SLC25A13: variants seen among roughly 807,000 people sequenced by gnomAD.
The protein encoded by SLC25A13 is electrogenic aspartate/glutamate antiporter SLC25A13, mitochondrial.
SLC25A13 carries 70 observed loss-of-function variants against 85.5 expected under a neutral mutation model. That is an observed-to-expected ratio of 0.82 (90% CI 0.68 to 1.00). SLC25A13 has a LOEUF of 1.00. Among genes scored for constraint, SLC25A13 ranks in the 50% least tolerant of loss-of-function variants. The pLI is 0.00. For synonymous variants in SLC25A13, 259 were observed against 288.7 expected (o/e 0.90, Z 1.04); for missense variants, 765 against 819.8 (o/e 0.93, Z 0.82).
intron 3 of SLC25A13, among the ~76,000 whole-genome samples, chr7:96,258,986 T>C (rs1452547409): frequency 6.6e-6 from 1 of 152,220 alleles, no homozygotes; most frequent in African/African-American, 2.4e-5. Flanking sequence ...ATTTAATAAA[T>C]GGTGTTGGGA....
chr7:96,248,785 A>G (rs902471190), intron 3 of SLC25A13, among the ~76,000 whole-genome samples: 1 of 152,222 alleles, frequency 6.6e-6, no homozygotes, highest in African/African-American at 2.4e-5. Context: ...AATTGACAGC[A>G]AGGATAAATA....
At chr7:96,248,215 T>C (rs1406498301) in intron 3 of SLC25A13, among the ~76,000 whole-genome samples, 1 of 152,074 alleles carries the variant, frequency 6.6e-6, no homozygotes, top group East Asian at 1.9e-4. Flanking sequence ...GGGCTCCAAA[T>C]TGTCAATGTT....
intron 13 of SLC25A13, among the ~76,000 whole-genome samples, chr7:96,157,544 C>T (rs1229268958): frequency 1.3e-5 from 2 of 152,304 alleles, no homozygotes; most frequent in African/African-American, 4.8e-5. Flanking sequence ...TGGCTCACAC[C>T]TGTAATCCCA....
At chr7:96,273,402 T>G (rs922887823) in intron 3 of SLC25A13, among the ~76,000 whole-genome samples, 3 of 152,194 alleles carry the variant, frequency 2.0e-5, no homozygotes, top group African/African-American at 7.2e-5. Flanking sequence ...GCAAATATAC[T>G]TGAAAGTTCT....
Position 96,179,402 on chromosome 7 carries a change from T to C in SLC25A13, c.1177+4875A>G, listed in dbSNP as rs542679034. Among the ~76,000 whole-genome samples, 4 of 152,352 alleles carry C rather than the reference T, an allele frequency of 2.6e-5. No homozygotes were observed. In the South Asian group the frequency reaches 6.2e-4, roughly 24 times the overall value. Reference sequence around the variant, plus strand: ...GGATACCTACACGTCTATCTTTTTGTCATATTTTTCCAATTTTCTAAGGTC... The same window carrying C: ...GGATACCTACACGTCTATCTTTTTGCCATATTTTTCCAATTTTCTAAGGTC... On this transcript the variant is annotated intron_variant, in intron 11 of 17. Coordinates refer to ENST00000265631, the MANE Select transcript of SLC25A13 (RefSeq NM_014251.3).
At chr7:96,166,597 C>G (rs2116562712) in intron 13 of SLC25A13, among the ~76,000 whole-genome samples, 1 of 152,182 alleles carries the variant, frequency 6.6e-6, no homozygotes, top group East Asian at 1.9e-4. Context: ...GCATATTACA[C>G]TAGATATATA....
In SLC25A13 at chr7:96,309,115, T is replaced by G. The variant is rs560016472; in HGVS notation, c.16-12164A>C. On this transcript the variant is annotated intron_variant, in intron 1 of 17. Coordinates refer to ENST00000265631, the MANE Select transcript of SLC25A13 (RefSeq NM_014251.3). ...AGAAGTGAATGAAACTCCTTGCCAG[T>G]GAGCACAACAAAGTCAAAGAAGAGA... Among the ~76,000 whole-genome samples, 4 of 152,330 alleles carry G rather than the reference T, an allele frequency of 2.6e-5. No individual in the cohort carries two copies. The East Asian group carries it at 7.7e-4, about 29-fold the overall frequency.
chr7:96,232,231 C>T (rs1253247832), intron 4 of SLC25A13, among the ~76,000 whole-genome samples: 1 of 152,024 alleles, frequency 6.6e-6, no homozygotes, highest in East Asian at 1.9e-4. Flanking sequence ...GGTACATATA[C>T]ACCATGGAAT....
intron 5 of SLC25A13, among the ~76,000 whole-genome samples, chr7:96,194,534 T>A (rs563291341): frequency 7.4e-4 from 112 of 151,496 alleles, no homozygotes; most frequent in African/African-American, 1.7e-3. Context: ...TTAGACGATA[T>A]TAAGAAATTA....
chr7:96,284,541 A>G (rs928995853), intron 2 of SLC25A13, among the ~76,000 whole-genome samples: 1 of 152,172 alleles, frequency 6.6e-6, no homozygotes, highest in African/African-American at 2.4e-5. Flanking sequence ...CTTTCGCTAC[A>G]GAGATTTAGT....
intron 4 of SLC25A13, among the ~76,000 whole-genome samples, chr7:96,221,643 C>T (rs1455370578): frequency 6.6e-6 from 1 of 152,158 alleles, no homozygotes; most frequent in African/African-American, 2.4e-5. Context: ...AATCCAATAC[C>T]AGCATTCCTC....
At chr7:96,293,518 T>C (rs1333016444) in intron 2 of SLC25A13, among the ~76,000 whole-genome samples, 3 of 152,018 alleles carry the variant, frequency 2.0e-5, no homozygotes, top group Non-Finnish European at 2.9e-5. Context: ...GAAAATTTTT[T>C]CAATCTACTC....
Position 96,287,436 on chromosome 7 carries a change from A to T in SLC25A13, c.69+9462T>A, listed in dbSNP as rs148751899. Among the ~76,000 whole-genome samples, 766 of 152,236 alleles carry T rather than the reference A, an allele frequency of 5.0e-3. 8 individuals carry two copies. Among genetic ancestry groups the T allele is most frequent in the African/African-American group, 0.018 (740 of 41,552 alleles). ...GAGTACTTCCCCATTTATACCAAAG[A>T]TTCCACCCTCGGCCTTCAAGTGCAC... On this transcript the variant is annotated intron_variant, in intron 2 of 17. Transcript: ENST00000265631.
chr7:96,140,105 C>A (rs1469405148), intron 14 of SLC25A13, among the ~76,000 whole-genome samples: 4 of 149,674 alleles, frequency 2.7e-5, no homozygotes, highest in Non-Finnish European at 5.9e-5. Flanking sequence ...ACTACAGGCG[C>A]CCGCCACTAC....
At chr7:96,265,714 CTGTT>C (rs1176059309) in intron 3 of SLC25A13, among the ~76,000 whole-genome samples, 1 of 152,126 alleles carries the variant, frequency 6.6e-6, no homozygotes, top group Non-Finnish European at 1.5e-5. Flanking sequence ...ATTGCTTACT[CTGTT>C]TGGATTGGTG....
At chr7:96,288,474 C>T (rs927373089) in intron 2 of SLC25A13, among the ~76,000 whole-genome samples, 11 of 152,158 alleles carry the variant, frequency 7.2e-5, no homozygotes, top group African/African-American at 1.9e-4. Context: ...GGCGAGGCAT[C>T]GCCTCACCCA....
chr7:96,248,611 T>G (rs558470216), intron 3 of SLC25A13, among the ~76,000 whole-genome samples: 2 of 152,298 alleles, frequency 1.3e-5, no homozygotes, highest in South Asian at 4.1e-4. Flanking sequence ...TCCAAAAATA[T>G]TCATCTGTTT....
At chr7:96,134,813 A>ATATATATAT (rs1554337551) in intron 14 of SLC25A13, among the ~76,000 whole-genome samples, 18 of 142,982 alleles carry the variant, frequency 1.3e-4, no homozygotes, top group East Asian at 6.5e-4. Flanking sequence ...ATATATATAT[A>ATATATATAT]ACCCTGAGGA....
intron 14 of SLC25A13, among the ~76,000 whole-genome samples, chr7:96,143,844 T>C (rs1291717476): frequency 6.6e-6 from 1 of 152,172 alleles, no homozygotes; most frequent in Non-Finnish European, 1.5e-5. Context: ...CTCACCCTTC[T>C]TGGGTCTGGC....
Sources: gnomAD v4.1 joint callset for allele counts (sites outside exome capture counted in the v4.1 genomes callset) on GRCh38, gnomAD v4.1.1 for gene constraint, MANE v1.5 for transcripts, NCBI Gene and HGNC (gene_info 2026-07-23, HGNC 2026-07-21) for gene names.